PHACTR1: variants seen among roughly 807,000 people sequenced by gnomAD.
The protein encoded by PHACTR1 is phosphatase and actin regulator 1.
A neutral mutation model predicts 69.2 loss-of-function variants in PHACTR1; 16 were observed. That is an observed-to-expected ratio of 0.23 (90% confidence interval 0.16 to 0.35). The LOEUF (loss-of-function observed/expected upper bound fraction) is 0.35, where lower values mean the gene tolerates loss of function less well. Among genes scored for constraint, PHACTR1 ranks in the 10% least tolerant of loss-of-function variants. PHACTR1 has a pLI of 1.00. For missense variants in PHACTR1, 510 were observed against 734.7 expected (o/e 0.69, Z 3.54); for synonymous variants, 312 against 284.5 (o/e 1.10, Z -0.97).
chr6:12,959,176 CAAAA>C (rs70989814), intron 4 of PHACTR1, among the ~76,000 whole-genome samples: 1,628 of 46,266 alleles, frequency 0.035, 22 homozygotes, highest in Non-Finnish European at 0.045. Context: ...GACTTTATCT[CAAAA>C]AAAAAAAAAA....
At chr6:13,096,022 G>C (rs1010069415) in intron 5 of PHACTR1, among the ~76,000 whole-genome samples, 1 of 151,958 alleles carries the variant, frequency 6.6e-6, no homozygotes, top group Non-Finnish European at 1.5e-5. Flanking sequence ...TATTACAACT[G>C]GGAATGACCT....
In PHACTR1 at chr6:12,992,211, C is replaced by T. The variant is rs564078508; in HGVS notation, c.251-61154C>T. ...GAAATCAGAGTTTCCTCCTCTTACACTGTAAATAAATTGAAAATGAAGTCC... is the reference window on the plus strand; with the variant it reads ...GAAATCAGAGTTTCCTCCTCTTACATTGTAAATAAATTGAAAATGAAGTCC... On this transcript the variant is annotated intron_variant, in intron 4 of 14. Coordinates refer to ENST00000332995, the MANE Select transcript of PHACTR1 (RefSeq NM_030948.6). Among the ~76,000 whole-genome samples, 9 of 152,264 alleles carry T rather than the reference C, an allele frequency of 5.9e-5. No individual in the cohort carries two copies. In the South Asian group the frequency reaches 1.9e-3, roughly 32 times the overall value.
chr6:13,107,375 G>A (rs2127887459), intron 5 of PHACTR1, among the ~76,000 whole-genome samples: 1 of 152,344 alleles, frequency 6.6e-6, no homozygotes, highest in African/African-American at 2.4e-5. Context: ...GCCTTCCAAA[G>A]TGCTGGGATT....
chr6:12,933,022 G>A (rs759097559), intron 4 of PHACTR1, among the ~76,000 whole-genome samples: 13 of 148,328 alleles, frequency 8.8e-5, no homozygotes, highest in African/African-American at 3.2e-4. Context: ...TGCAATGGAC[G>A]CCTCCTGAGT....
At chr6:13,014,185 C>G (rs1434344212) in intron 4 of PHACTR1, among the ~76,000 whole-genome samples, 4 of 151,924 alleles carry the variant, frequency 2.6e-5, no homozygotes, top group Non-Finnish European at 5.9e-5. Context: ...GCGCGGGAGG[C>G]GGGGAGGTGG....
chr6:13,076,858 G>T (rs1810557482), intron 5 of PHACTR1, among the ~76,000 whole-genome samples: 2 of 150,310 alleles, frequency 1.3e-5, no homozygotes, highest in South Asian at 4.2e-4. Context: ...GAGCAGATTA[G>T]TTGGAACGCT....
Position 12,939,594 on chromosome 6 carries a change from A to G in PHACTR1, c.251-113771A>G, listed in dbSNP as rs995472162. On this transcript the variant is annotated intron_variant, in intron 4 of 14. Coordinates refer to ENST00000332995, the MANE Select transcript of PHACTR1 (RefSeq NM_030948.6). Reference sequence around the variant, plus strand: ...GAGAAAAGCAGTAGATTATACAAGTAGCTGTATATTCATGACATTCACACC... The same window carrying G: ...GAGAAAAGCAGTAGATTATACAAGTGGCTGTATATTCATGACATTCACACC... Among the ~76,000 whole-genome samples the G allele has an allele frequency of 2.0e-5, 3 of 152,224 alleles. No homozygotes were observed. The East Asian group carries it at 5.8e-4, about 29-fold the overall frequency.
intron 4 of PHACTR1, among the ~76,000 whole-genome samples, chr6:12,919,888 G>C (rs1232573227): frequency 6.6e-6 from 1 of 152,184 alleles, no homozygotes; most frequent in Non-Finnish European, 1.5e-5. Context: ...ACAATGGAAA[G>C]AGCACTGGTT....
chr6:12,805,861 A>G (rs1774265669), intron 4 of PHACTR1, among the ~76,000 whole-genome samples: 1 of 152,112 alleles, frequency 6.6e-6, no homozygotes, highest in African/African-American at 2.4e-5. Context: ...TCAGGTTCCC[A>G]AAGTGCTGGG....
At chr6:12,948,678 A>G (rs901813683) in intron 4 of PHACTR1, among the ~76,000 whole-genome samples, 3 of 151,982 alleles carry the variant, frequency 2.0e-5, no homozygotes, top group Non-Finnish European at 4.4e-5. Flanking sequence ...TAAGCTTTGA[A>G]CCCCATGTTA....
intron 5 of PHACTR1, among the ~76,000 whole-genome samples, chr6:13,153,650 T>G (rs1382845738): frequency 1.3e-5 from 2 of 152,232 alleles, no homozygotes; most frequent in African/African-American, 4.8e-5. Flanking sequence ...CTCTGATGGT[T>G]TTCTGCATTG....
At chr6:13,273,212 A>G (rs1778141849) in intron 11 of PHACTR1, 2 of 358,446 alleles carry the variant, frequency 5.6e-6, no homozygotes, top group Admixed American at 8.9e-5. Context: ...TTATTATTTA[A>G]TGATTTTTAA....
At chr6:12,764,672 G>A (rs1431894654) in intron 4 of PHACTR1, among the ~76,000 whole-genome samples, 1 of 152,120 alleles carries the variant, frequency 6.6e-6, no homozygotes, top group Admixed American at 6.5e-5. Context: ...ATTCCTTATG[G>A]TGGTGAAGAT....
intron 4 of PHACTR1, among the ~76,000 whole-genome samples, chr6:12,786,649 C>T (rs1039263671): frequency 6.6e-6 from 1 of 152,192 alleles, no homozygotes; most frequent in African/African-American, 2.4e-5. Context: ...AATTGTTGTT[C>T]TAAAGTTGAG....
chr6:13,095,749 CTTTTTTTTT>C (rs140109520), intron 5 of PHACTR1, among the ~76,000 whole-genome samples: 1 of 77,210 alleles, frequency 1.3e-5, no homozygotes, highest in African/African-American at 5.1e-5. Flanking sequence ...TTGTGAAGGG[CTTTTTTTTT>C]TTTTTTTTTT....
chr6:13,133,164 A>G (rs1449314705), intron 5 of PHACTR1, among the ~76,000 whole-genome samples: 1 of 147,014 alleles, frequency 6.8e-6, no homozygotes, highest in Non-Finnish European at 1.5e-5. Context: ...ATCTTCCAAT[A>G]GAAGGTTATT....
chr6:13,067,516 G>A (rs1481835656), intron 5 of PHACTR1, among the ~76,000 whole-genome samples: 3 of 152,178 alleles, frequency 2.0e-5, no homozygotes, highest in African/African-American at 4.8e-5. Context: ...GCCATGATAC[G>A]AGTCTTTATT....
chr6:13,091,942 C>T (rs1412140376), intron 5 of PHACTR1, among the ~76,000 whole-genome samples: 6 of 152,200 alleles, frequency 3.9e-5, no homozygotes, highest in East Asian at 1.9e-4. Flanking sequence ...GGACTGCAGG[C>T]GCATATGACC....
chr6:12,789,477 T>G (rs970322490), intron 4 of PHACTR1, among the ~76,000 whole-genome samples: 1 of 152,162 alleles, frequency 6.6e-6, no homozygotes, highest in African/African-American at 2.4e-5. Flanking sequence ...TCTCAATTGC[T>G]ATTATGATTT....
Sources: gnomAD v4.1 joint callset for allele counts (sites outside exome capture counted in the v4.1 genomes callset) on GRCh38, gnomAD v4.1.1 for gene constraint, MANE v1.5 for transcripts, NCBI Gene and HGNC (gene_info 2026-07-23, HGNC 2026-07-21) for gene names.